The following SRGAP2 variants were observed in gnomAD, a reference collection of about 807,000 sequenced individuals.
SRGAP2 encodes the protein SLIT-ROBO Rho GTPase-activating protein 2.
SRGAP2 carries 15 observed loss-of-function variants against 57.2 expected under a neutral mutation model. That is an observed-to-expected ratio of 0.26 (90% CI 0.18 to 0.40). The LOEUF is 0.40. SRGAP2 is among the 10% of genes least tolerant of loss of function. The probability of loss-of-function intolerance (pLI) is 1.00; values close to 1 mark genes in which losing one functional copy is unlikely to be tolerated. For missense variants in SRGAP2, 520 were observed against 669.6 expected (o/e 0.78, Z 2.47); for synonymous variants, 249 against 248.0 (o/e 1.00, Z -0.04).
intron 2 of SRGAP2, among the ~76,000 whole-genome samples, chr1:206,208,927 CA>C (rs781877741): frequency 2.7e-4 from 41 of 151,866 alleles, no homozygotes; most frequent in Non-Finnish European, 5.3e-4. Context: ...GTCTGAGCCT[CA>C]GTTTCCTTAT....
intron 2 of SRGAP2, among the ~76,000 whole-genome samples, chr1:206,277,833 A>G (rs1211797639): frequency 6.6e-6 from 1 of 152,172 alleles, no homozygotes; most frequent in East Asian, 1.9e-4. Context: ...TTAAAAAATT[A>G]GCCGGCATGG....
At chr1:206,413,120 C>A (rs984874725) in intron 10 of SRGAP2, among the ~76,000 whole-genome samples, 4 of 152,178 alleles carry the variant, frequency 2.6e-5, no homozygotes, top group Non-Finnish European at 2.9e-5. Context: ...TCTGGAATCA[C>A]AAGTAGTGAG....
chr1:206,340,075 C>A (rs1675068476), intron 3 of SRGAP2, among the ~76,000 whole-genome samples: 1 of 151,622 alleles, frequency 6.6e-6, no homozygotes, highest in Non-Finnish European at 1.5e-5. Context: ...CAGGTGTGAG[C>A]CACACCTTAC....
Position 206,430,142 on chromosome 1 carries a change from G to A in SRGAP2, c.1495-20G>A, listed in dbSNP as rs782591456. 1.3e-5 allele frequency: 10 copies of A among 780,636 alleles called. 1 individual carries two copies. In the South Asian group the frequency reaches 1.3e-4, roughly 10 times the overall value. The allele number at this position is 780,636 out of a possible 1,614,324, so 48.4% of individuals were successfully genotyped here. On this transcript the variant is annotated intron_variant, in intron 13 of 22. Coordinates refer to ENST00000573034, the MANE Select transcript of SRGAP2 (RefSeq NM_015326.5). ...CCCTGTTTGAATATTCTAATGTTGT[G>A]TTTCCCTTTGGCTTTTCAGGACTCC...
intron 18 of SRGAP2, 73 bp downstream of exon 18, chr1:206,446,372 C>T (rs1226981897): frequency 2.1e-5 from 16 of 757,048 alleles, no homozygotes; most frequent in Middle Eastern, 4.7e-4. Context: ...GATGGCCACA[C>T]GAAAACCAAA....
intron 16 of SRGAP2, among the ~76,000 whole-genome samples, chr1:206,438,591 A>G (rs529357232): frequency 1.3e-4 from 20 of 152,362 alleles, no homozygotes; most frequent in Admixed American, 1.3e-3. Flanking sequence ...AGAAAGGTAT[A>G]TTCTCTGCTT....
intron 22 of SRGAP2, among the ~76,000 whole-genome samples, chr1:206,460,415 T>G (rs192086961): frequency 2.0e-4 from 30 of 152,264 alleles, no homozygotes. Flanking sequence ...GGTCATTCTT[T>G]TGTCCCCTTG....
chr1:206,414,029 C>CTTTTTTTTTTTT (rs201058533), intron 10 of SRGAP2, among the ~76,000 whole-genome samples: 8 of 145,150 alleles, frequency 5.5e-5, no homozygotes, highest in African/African-American at 2.1e-4. Flanking sequence ...TTTTCTTTTT[C>CTTTTTTTTTTTT]TTTCTTTTTT....
Position 206,454,932 on chromosome 1 carries a change from T to C in SRGAP2, c.2415T>C (p.Ser805=), listed in dbSNP as rs1553377798. The C allele has an allele frequency of 1.3e-6, 1 of 780,638 alleles. No individual in the cohort carries two copies. The allele number at this position is 780,638 out of a possible 1,614,324, so 48.4% of individuals were successfully genotyped here. The change falls in exon 21 of 23, where the codon TCT becomes TCC. Residue 805 remains serine, a synonymous_variant. Transcript: ENST00000573034. The surrounding 1 kb of genome is among the most constrained non-coding windows in gnomAD (Gnocchi z 4.3). ...CCAAGTCTGAGATTGAGGTCATTTCTGAGCCACCTGAAGAAAAGGTGACAG... is the reference window on the plus strand; with the variant it reads ...CCAAGTCTGAGATTGAGGTCATTTCCGAGCCACCTGAAGAAAAGGTGACAG... ...SSPKSEIEVI[S]EPPEEKVTAR...
At position 206,354,775 on chromosome 1, in the gene SRGAP2, C is replaced by G. The variant is rs548201392; in HGVS notation, c.423+11767C>G. ...CTCTCCTTCTCTCCCTCCTCTGTCTCTCTCCCTCCCCCCCTTCCTTCTCCC... is the reference window on the plus strand; with the variant it reads ...CTCTCCTTCTCTCCCTCCTCTGTCTGTCTCCCTCCCCCCCTTCCTTCTCCC... On this transcript the variant is annotated intron_variant, in intron 4 of 22. Transcript: ENST00000573034. Among the ~76,000 whole-genome samples the G allele has an allele frequency of 6.1e-3, 911 of 150,432 alleles. 12 individuals are homozygous for G. The highest frequency in any genetic ancestry group is 0.021 in the African/African-American group (854 of 40,882).
intron 4 of SRGAP2, among the ~76,000 whole-genome samples, chr1:206,367,389 A>G (rs1468039825): frequency 6.6e-6 from 1 of 151,848 alleles, no homozygotes; most frequent in Non-Finnish European, 1.5e-5. Flanking sequence ...GAAGGAGTTT[A>G]TGAGTTCAAT....
At chr1:206,292,306 G>A (rs1489868049) in intron 2 of SRGAP2, among the ~76,000 whole-genome samples, 52 of 152,254 alleles carry the variant, frequency 3.4e-4, no homozygotes, top group African/African-American at 1.2e-3. Flanking sequence ...TGATTGAATA[G>A]GTCACTCCAA....
At chr1:206,253,777 G>T (rs1220955673) in intron 2 of SRGAP2, among the ~76,000 whole-genome samples, 1 of 149,804 alleles carries the variant, frequency 6.7e-6, no homozygotes, top group Non-Finnish European at 1.5e-5. Context: ...CAGAGACCGG[G>T]TTTCACCGTG....
At chr1:206,437,877 G>A in intron 15 of SRGAP2, 87 bp from the exon 16 acceptor site, 1 of 751,104 alleles carries the variant, frequency 1.3e-6, no homozygotes, top group South Asian at 1.5e-5. Flanking sequence ...ACCAGGACAT[G>A]CATGGTTCAC....
intron 2 of SRGAP2, among the ~76,000 whole-genome samples, chr1:206,226,835 AC>A (rs1667301356): frequency 6.6e-6 from 1 of 152,112 alleles, no homozygotes; most frequent in South Asian, 2.1e-4. Context: ...CTTTTGCACC[AC>A]CCCAAGTTCA....
intron 18 of SRGAP2, among the ~76,000 whole-genome samples, chr1:206,448,285 G>T (rs1281705598): frequency 6.6e-6 from 1 of 152,186 alleles, no homozygotes; most frequent in African/African-American, 2.4e-5. Context: ...CAGCTGTGGA[G>T]AGGAGAGACA....
chr1:206,430,363 C>T, intron 14 of SRGAP2, 141 bp downstream of exon 14: 1 of 643,752 alleles, frequency 1.6e-6, no homozygotes, highest in Non-Finnish European at 2.9e-6. Flanking sequence ...GTCCACATAA[C>T]TTTTGCTACC....
At position 206,456,728 on chromosome 1, in the gene SRGAP2, G is replaced by T. The variant is rs942814504; in HGVS notation, c.2507+1704G>T. 5.9e-5 allele frequency among the ~76,000 whole-genome samples: 9 copies of T among 152,300 alleles called. 1 individual carries two copies. The East Asian group carries it at 1.5e-3, about 26-fold the overall frequency. ...GGAGGACAAGCCTCATCACCTGGTG[G>T]GTGGGTGAGCGGTGGCCCCGGGGCA... On this transcript the variant is annotated intron_variant, in intron 21 of 22. Transcript: ENST00000573034.
At position 206,438,095 on chromosome 1, in the gene SRGAP2, G is replaced by A. The variant is rs782574861; in HGVS notation, c.1765G>A (p.Val589Ile). 13 of 780,598 alleles carry A rather than the reference G, an allele frequency of 1.7e-5. No homozygotes were observed. The highest frequency in any genetic ancestry group is 3.4e-5 in the African/African-American group (2 of 59,134). The allele number at this position is 780,598 out of a possible 1,614,324, so 48.4% of individuals were successfully genotyped here. ...KDIFHDLMAC[V>I]TMDNLQERAL... ...CATCTTTCATGACCTGATGGCCTGC[G>A]TCAGTAAGTACCATTCTGGCTTCAG... The change falls in exon 16 of 23, where the codon GTC (valine) becomes ATC (isoleucine). Residue 589 changes from valine to isoleucine, a missense_variant. Val to Ile is a conservative substitution (Grantham distance 29). Coordinates refer to ENST00000573034, the MANE Select transcript of SRGAP2 (RefSeq NM_015326.5).
Sources: gnomAD v4.1 joint callset for allele counts (sites outside exome capture counted in the v4.1 genomes callset) on GRCh38, gnomAD v4.1.1 for gene constraint, Gnocchi (gnomAD v3.1) non-coding constraint, MANE v1.5 for transcripts, NCBI Gene and HGNC (gene_info 2026-07-23, HGNC 2026-07-21) for gene names.